Variants in MYO5B observed in about 807,000 individuals in gnomAD.
MYO5B encodes the protein unconventional myosin-Vb.
In MYO5B, 143 loss-of-function variants were observed where a neutral mutation model predicts 229.3. That is an observed-to-expected ratio of 0.62 (90% confidence interval 0.54 to 0.72). The LOEUF (loss-of-function observed/expected upper bound fraction) is 0.72, where lower values mean the gene tolerates loss of function less well. MYO5B is among the 30% of genes least tolerant of loss of function. The pLI, the probability that MYO5B is intolerant of heterozygous loss-of-function variation, is 0.00. For synonymous variants in MYO5B, 918 were observed against 885.2 expected (o/e 1.04, Z -0.66); for missense variants, 2,321 against 2,331.0 (o/e 1.00, Z 0.09).
intron 38 of MYO5B, among the ~76,000 whole-genome samples, chr18:49,836,174 A>C (rs1449835128): frequency 6.6e-6 from 1 of 152,238 alleles, no homozygotes; most frequent in South Asian, 2.1e-4. Context: ...CGGCAACTGA[A>C]TCATGGTTAT....
intron 1 of MYO5B, among the ~76,000 whole-genome samples, chr18:50,105,799 A>C (rs1263184044): frequency 6.6e-6 from 1 of 152,072 alleles, no homozygotes; most frequent in Non-Finnish European, 1.5e-5. Context: ...GGGCTGGACA[A>C]ATTAAGTAAA....
At chr18:49,892,558 C>T (rs2024727839) in intron 22 of MYO5B, among the ~76,000 whole-genome samples, 1 of 152,216 alleles carries the variant, frequency 6.6e-6, no homozygotes, top group Admixed American at 6.5e-5. Context: ...ATCAATCTCG[C>T]TCAAAGCAGA....
chr18:50,082,014 T>C (rs1256849345), intron 1 of MYO5B, among the ~76,000 whole-genome samples: 3 of 152,314 alleles, frequency 2.0e-5, no homozygotes, highest in South Asian at 2.1e-4. Context: ...AAAAGAAATA[T>C]GATATATTAG....
chr18:50,162,245 A>G (rs2032777562), intron 1 of MYO5B, among the ~76,000 whole-genome samples: 1 of 152,258 alleles, frequency 6.6e-6, no homozygotes, highest in Non-Finnish European at 1.5e-5. Flanking sequence ...CAACAGCAAT[A>G]TAGTGTGAGG....
At chr18:49,973,977 C>A (rs186124962) in intron 10 of MYO5B, among the ~76,000 whole-genome samples, 2 of 152,178 alleles carry the variant, frequency 1.3e-5, no homozygotes, top group African/African-American at 2.4e-5. Flanking sequence ...TACTGAGATA[C>A]AGAACTTGAA....
intron 2 of MYO5B, among the ~76,000 whole-genome samples, chr18:50,049,140 A>G (rs1030322231): frequency 1.3e-5 from 2 of 152,182 alleles, no homozygotes; most frequent in African/African-American, 2.4e-5. Context: ...AGACTTCTAC[A>G]GATTCTTGAA....
At chr18:50,067,519 T>C (rs1598994874) in intron 1 of MYO5B, among the ~76,000 whole-genome samples, 1 of 152,134 alleles carries the variant, frequency 6.6e-6, no homozygotes. Context: ...ATCCCCAATA[T>C]TGGAGATGGG....
At chr18:50,137,726 C>T (rs1375870227) in intron 1 of MYO5B, among the ~76,000 whole-genome samples, 1 of 152,116 alleles carries the variant, frequency 6.6e-6, no homozygotes, top group Non-Finnish European at 1.5e-5. Flanking sequence ...GACATTGAAT[C>T]AGCCTAAATT....
intron 1 of MYO5B, among the ~76,000 whole-genome samples, chr18:50,056,600 T>C (rs994854284): frequency 6.6e-6 from 1 of 152,138 alleles, no homozygotes; most frequent in African/African-American, 2.4e-5. Context: ...AACCAGAACA[T>C]GTGCTTGGGT....
At chr18:50,029,915 C>T (rs560018457) in intron 4 of MYO5B, among the ~76,000 whole-genome samples, 1 of 152,314 alleles carries the variant, frequency 6.6e-6, no homozygotes, top group South Asian at 2.1e-4. Context: ...CATTCTCTCA[C>T]TGAAAACCTG....
intron 1 of MYO5B, among the ~76,000 whole-genome samples, chr18:50,123,582 T>TA (rs1022112059): frequency 1.5e-4 from 22 of 151,508 alleles, no homozygotes; most frequent in African/African-American, 2.9e-4. Context: ...TAAATAAAAA[T>TA]AAAAAAAACT....
intron 14 of MYO5B, among the ~76,000 whole-genome samples, chr18:49,940,861 C>T (rs1402588577): frequency 6.6e-6 from 1 of 152,242 alleles, no homozygotes; most frequent in East Asian, 1.9e-4. Context: ...ATGTTTAAAA[C>T]AGCACCTAAT....
At chr18:50,062,629 C>A (rs769582395) in intron 1 of MYO5B, among the ~76,000 whole-genome samples, 2 of 152,158 alleles carry the variant, frequency 1.3e-5, no homozygotes, top group Non-Finnish European at 2.9e-5. Context: ...AAGCCCTGCA[C>A]CCCCTCCCAG....
At position 50,057,749 on chromosome 18, in the gene MYO5B, A is replaced by C. The variant is rs140493135; in HGVS notation, c.28-2371T>G. On this transcript the variant is annotated intron_variant, in intron 1 of 39. Coordinates refer to ENST00000285039, the MANE Select transcript of MYO5B (RefSeq NM_001080467.3). The stretch of plus-strand genomic sequence containing the variant: ...AAACCTATCACAACATAAGGGGCAC[A>C]GTGGGACCCCAATGGTACTTTAGCT... 4.8e-3 allele frequency among the ~76,000 whole-genome samples: 731 copies of C among 152,328 alleles called. 5 individuals carry two copies. Among genetic ancestry groups the C allele is most frequent in the African/African-American group, 0.016 (681 of 41,566 alleles).
chr18:49,897,928 G>T (rs1038044770), intron 21 of MYO5B, among the ~76,000 whole-genome samples: 1 of 152,278 alleles, frequency 6.6e-6, no homozygotes, highest in Middle Eastern at 3.4e-3. Flanking sequence ...CCCATTCATG[G>T]TAAGTGCCCT....
chr18:50,155,036 T>G (rs1285020239), intron 1 of MYO5B, among the ~76,000 whole-genome samples: 1 of 152,238 alleles, frequency 6.6e-6, no homozygotes. Flanking sequence ...CAACTCTTCT[T>G]CTAGTGGTTT....
chr18:49,864,041 C>A (rs1242670239), intron 28 of MYO5B, 100 bp downstream of exon 28: 21 of 1,551,638 alleles, frequency 1.4e-5, no homozygotes, highest in Non-Finnish European at 1.7e-5. Context: ...TCTGCTCTTT[C>A]AGGTTTTAGA....
intron 1 of MYO5B, among the ~76,000 whole-genome samples, chr18:50,146,710 G>A (rs1398320737): frequency 6.6e-6 from 1 of 152,222 alleles, no homozygotes. Flanking sequence ...GACTCAACCT[G>A]TATTTTGCGA....
At chr18:49,843,858 G>A (rs1598826354) in intron 33 of MYO5B, among the ~76,000 whole-genome samples, 1 of 152,226 alleles carries the variant, frequency 6.6e-6, no homozygotes. Flanking sequence ...CAAATTGTAT[G>A]TGCCCAAAGA....
Sources: allele counts gnomAD v4.1 joint callset (sites outside exome capture counted in the v4.1 genomes callset), GRCh38; gene constraint gnomAD v4.1.1; transcripts MANE v1.5; gene names NCBI Gene and HGNC (gene_info 2026-07-23, HGNC 2026-07-21).